PDE3A: variants seen among roughly 807,000 people sequenced by gnomAD.
PDE3A encodes the protein phosphodiesterase 3A, also known as cGMP-inhibited 3',5'-cyclic phosphodiesterase 3A.
In PDE3A, 43 loss-of-function variants were observed where a neutral mutation model predicts 98.3. The ratio of observed to expected loss-of-function variants is 0.44; its 90% confidence interval spans 0.34 to 0.56. PDE3A has a LOEUF of 0.56. Among genes scored for constraint, PDE3A ranks in the 20% least tolerant of loss-of-function variants. PDE3A has a pLI of 0.01. For missense variants in PDE3A, 1,427 were observed against 1,440.7 expected (o/e 0.99, Z 0.15); for synonymous variants, 663 against 567.9 (o/e 1.17, Z -2.38).
chr12:20,477,302 C>G (rs1265849036), intron 1 of PDE3A, among the ~76,000 whole-genome samples: 2 of 152,128 alleles, frequency 1.3e-5, no homozygotes, highest in African/African-American at 4.8e-5. Context: ...TAATATTTTA[C>G]CATAAGTACT....
At chr12:20,503,317 A>C (rs1455702704) in intron 1 of PDE3A, among the ~76,000 whole-genome samples, 1 of 152,060 alleles carries the variant, frequency 6.6e-6, no homozygotes, top group African/African-American at 2.4e-5. Flanking sequence ...TCATCAATCT[A>C]GTGTTTCTGA....
chr12:20,398,974 C>G (rs1944070980), intron 1 of PDE3A, among the ~76,000 whole-genome samples: 1 of 152,100 alleles, frequency 6.6e-6, no homozygotes, highest in Admixed American at 6.5e-5. Context: ...CAACAACTTC[C>G]CATTCCCTCT....
At chr12:20,479,489 A>T (rs1227313454) in intron 1 of PDE3A, among the ~76,000 whole-genome samples, 4 of 152,080 alleles carry the variant, frequency 2.6e-5, no homozygotes, top group African/African-American at 9.7e-5. Flanking sequence ...TGAGCTTATC[A>T]TGTGTCTTGG....
chr12:20,545,875 T>G (rs1356096977), intron 1 of PDE3A, among the ~76,000 whole-genome samples: 2 of 152,026 alleles, frequency 1.3e-5, no homozygotes, highest in African/African-American at 4.8e-5. Context: ...GGCTTTTTGC[T>G]GTATTTTGTA....
At chr12:20,633,808 A>C in intron 7 of PDE3A, 30 bp downstream of exon 7, 3 of 1,336,398 alleles carry the variant, frequency 2.2e-6, no homozygotes, top group Non-Finnish European at 2.1e-6. Context: ...TCTGTTGCCC[A>C]AAATGGAAAT....
intron 2 of PDE3A, among the ~76,000 whole-genome samples, chr12:20,579,057 C>A (rs772007567): frequency 6.6e-6 from 1 of 152,036 alleles, no homozygotes. Context: ...AGGTGTTGTG[C>A]TTCTCACTCC....
At chr12:20,567,123 A>AGTTTT (rs1253260196) in intron 2 of PDE3A, among the ~76,000 whole-genome samples, 3 of 152,018 alleles carry the variant, frequency 2.0e-5, no homozygotes, top group African/African-American at 4.8e-5. Context: ...TGCAGCAGCC[A>AGTTTT]GTTTTGTTTT....
intron 1 of PDE3A, chr12:20,553,016 C>G: frequency 6.5e-7 from 1 of 1,532,450 alleles, no homozygotes; most frequent in Admixed American, 1.9e-5. Context: ...CGGTGATCTC[C>G]AAGCACTTCT....
chr12:20,558,718 T>TAAC (rs1942435001), intron 2 of PDE3A, among the ~76,000 whole-genome samples: 1 of 150,006 alleles, frequency 6.7e-6, no homozygotes, highest in Non-Finnish European at 1.5e-5. Context: ...ATAATAATAA[T>TAAC]AACAATAATG....
At chr12:20,679,862 C>G (rs576380821) in intron 15 of PDE3A, among the ~76,000 whole-genome samples, 168 bp from the exon 16 acceptor site, 42 of 116,290 alleles carry the variant, frequency 3.6e-4, no homozygotes, top group African/African-American at 1.8e-3. Flanking sequence ...TTATAATATA[C>G]AGTATTATAA....
chr12:20,442,687 T>C (rs948008056), intron 1 of PDE3A, among the ~76,000 whole-genome samples: 1 of 152,186 alleles, frequency 6.6e-6, no homozygotes, highest in Admixed American at 6.5e-5. Context: ...CACTAGTAGT[T>C]TGTAATAGTG....
chr12:20,610,216 G>C (rs1336742764), intron 2 of PDE3A, among the ~76,000 whole-genome samples: 1 of 151,816 alleles, frequency 6.6e-6, no homozygotes, highest in African/African-American at 2.4e-5. Flanking sequence ...AAAATAACCT[G>C]ATTAAAAAGT....
chr12:20,415,241 G>C (rs1264279357), intron 1 of PDE3A, among the ~76,000 whole-genome samples: 2 of 151,628 alleles, frequency 1.3e-5, no homozygotes, highest in Non-Finnish European at 2.9e-5. Context: ...TCCTGAGTTT[G>C]ACAGATAAAA....
chr12:20,666,146 G>T (rs1004134182), intron 15 of PDE3A, among the ~76,000 whole-genome samples: 5 of 151,654 alleles, frequency 3.3e-5, no homozygotes, highest in African/African-American at 1.2e-4. Context: ...TGTATTTTTA[G>T]TAGAGATGGG....
Position 20,370,095 on chromosome 12 carries a change from T to A in PDE3A, c.811T>A (p.Leu271Met). The A allele has an allele frequency of 1.2e-6, 2 of 1,613,112 alleles. No individual in the cohort carries two copies. The highest frequency in any genetic ancestry group is 1.7e-6 in the Non-Finnish European group (2 of 1,179,810). Residue 271 changes from leucine to methionine, a missense_variant, in exon 1 of 16, where the codon TTG (leucine) becomes ATG (methionine). Leu to Met is a conservative substitution (Grantham distance 15). Coordinates refer to ENST00000359062, the MANE Select transcript of PDE3A (RefSeq NM_000921.5). ...CGCGGAGGCGGCTCCAAGGGAGCATTTGGGGTCCCAGCTGATTGCTGGGAC... is the reference window on the plus strand; with the variant it reads ...CGCGGAGGCGGCTCCAAGGGAGCATATGGGGTCCCAGCTGATTGCTGGGAC... ...QSAEAAPREHLGSQLIAGTKE... is the reference protein window; with the variant it reads ...QSAEAAPREHMGSQLIAGTKE...
At chr12:20,579,940 G>T (rs1385862919) in intron 2 of PDE3A, among the ~76,000 whole-genome samples, 1 of 152,104 alleles carries the variant, frequency 6.6e-6, no homozygotes, top group Non-Finnish European at 1.5e-5. Context: ...CAACTGAAAG[G>T]CTGGTCAAGA....
intron 2 of PDE3A, chr12:20,571,797 A>G (rs568496368): frequency 3.8e-5 from 15 of 397,684 alleles, no homozygotes; most frequent in Non-Finnish European, 4.8e-5. Context: ...TGCATTTATC[A>G]TAGAACTTAG....
chr12:20,597,705 G>A (rs1416041313), intron 2 of PDE3A, among the ~76,000 whole-genome samples: 1 of 152,092 alleles, frequency 6.6e-6, no homozygotes, highest in Non-Finnish European at 1.5e-5. Context: ...CACCCACAGG[G>A]TTTTCTCCTT....
At position 20,438,339 on chromosome 12, in the gene PDE3A, A is replaced by G. The variant is rs139853268; in HGVS notation, c.960+68095A>G. Among the ~76,000 whole-genome samples the G allele has an allele frequency of 7.4e-4, 112 of 152,290 alleles. 1 individual carries two copies. The highest frequency in any genetic ancestry group is 2.6e-3 in the African/African-American group (109 of 41,568). On this transcript the variant is annotated intron_variant, in intron 1 of 15. Coordinates refer to ENST00000359062, the MANE Select transcript of PDE3A (RefSeq NM_000921.5). ...CCCTTAAAGAAGTCTGCTGTATATA[A>G]TGTTAAGGCAGGGTTGTCAGGGCTG... is the stretch of plus-strand genomic sequence containing the variant.
Sources: allele counts gnomAD v4.1 joint callset (sites outside exome capture counted in the v4.1 genomes callset), GRCh38; gene constraint gnomAD v4.1.1; transcripts MANE v1.5; gene names NCBI Gene and HGNC (gene_info 2026-07-23, HGNC 2026-07-21).